Variants in PHACTR4 observed in about 807,000 individuals in gnomAD.
The protein encoded by PHACTR4 is protein phosphatase 1, regulatory subunit 124.
A neutral mutation model predicts 72.7 loss-of-function variants in PHACTR4; 51 were observed. The observed-to-expected ratio is 0.70, with a 90% CI of 0.56 to 0.89. PHACTR4 has a LOEUF of 0.89. Ranked by LOEUF, PHACTR4 falls within the 40% of genes least tolerant of loss-of-function variation. The pLI is 0.00. For missense variants in PHACTR4, 731 were observed against 861.8 expected, an observed-to-expected ratio of 0.85 and a Z score of 1.90; for synonymous variants, 255 against 302.5, an observed-to-expected ratio of 0.84 and a Z score of 1.63.
At chr1:28,461,407 C>G (rs1658798729) in intron 4 of PHACTR4, among the ~76,000 whole-genome samples, 1 of 152,090 alleles carries the variant, frequency 6.6e-6, no homozygotes, top group Non-Finnish European at 1.5e-5. Flanking sequence ...CGCCACTGCA[C>G]TCCAGCCTGG....
At chr1:28,494,847 A>G (rs1401228082) in intron 13 of PHACTR4, among the ~76,000 whole-genome samples, 3 of 152,214 alleles carry the variant, frequency 2.0e-5, no homozygotes, top group Admixed American at 1.3e-4. Context: ...TTGGCAGTTC[A>G]TAAGCAGGAA....
chr1:28,471,623 A>G (rs1479470511), intron 6 of PHACTR4, among the ~76,000 whole-genome samples: 1 of 151,560 alleles, frequency 6.6e-6, no homozygotes, highest in East Asian at 1.9e-4. Flanking sequence ...CTTACAGGTC[A>G]TCTGGAGCCC....
At chr1:28,471,460 T>C (rs532714394) in intron 6 of PHACTR4, among the ~76,000 whole-genome samples, 63 of 152,262 alleles carry the variant, frequency 4.1e-4, no homozygotes, top group African/African-American at 1.4e-3. Context: ...TTGAGAATAC[T>C]GAGTGGGATG....
rs1364102047 is a variant in PHACTR4 at position 28,473,878 on chromosome 1, A to G, written c.1148A>G (p.Glu383Gly). 1 of 1,613,966 alleles carries G rather than the reference A, an allele frequency of 6.2e-7. No homozygotes were observed. Among genetic ancestry groups the G allele is most frequent in the Non-Finnish European group, 8.5e-7 (1 of 1,180,006 alleles). Residue 383 changes from glutamate (E) to glycine (G), a missense_variant, in exon 7 of 14, where the codon GAG becomes GGG. Transcript: ENST00000373839. ...CCACCATCCTTAGATCTACACCAGG[A>G]GATTCCCCAGCAGGAAGATCAGAAA... ...EFPPSLDLHQ[E>G]IPQQEDQKKE... is the part of the protein sequence containing the mutation.
chr1:28,421,039 A>G (rs919581578), intron 2 of PHACTR4, among the ~76,000 whole-genome samples: 1 of 152,058 alleles, frequency 6.6e-6, no homozygotes, highest in Non-Finnish European at 1.5e-5. Context: ...TTTGGACTTT[A>G]TGTTCTTTTC....
At chr1:28,435,320 G>A (rs1319098460) in intron 2 of PHACTR4, among the ~76,000 whole-genome samples, 2 of 151,966 alleles carry the variant, frequency 1.3e-5, no homozygotes, top group African/African-American at 4.8e-5. Context: ...GCTGGAGTGC[G>A]GTGGCATGAT....
Position 28,420,055 on chromosome 1 carries a change from C to T in PHACTR4, c.16+12592C>T, listed in dbSNP as rs563555660. Among the ~76,000 whole-genome samples the T allele has an allele frequency of 3.3e-5, 5 of 152,172 alleles. 1 individual carries two copies. The highest frequency in any genetic ancestry group is 9.6e-5 in the African/African-American group (4 of 41,522). On this transcript the variant is annotated intron_variant, in intron 2 of 13. Transcript: ENST00000373839. Reference sequence around the variant, plus strand: ...GGCTGAGGCAGGCAAATCGTCTGAGCGCAGCCTGAGCAACATTGTGAGACC... The same window carrying T: ...GGCTGAGGCAGGCAAATCGTCTGAGTGCAGCCTGAGCAACATTGTGAGACC...
In PHACTR4 at chr1:28,465,795, A is replaced by G. The variant is rs765863419; in HGVS notation, c.382A>G (p.Arg128Gly). 1 of 1,613,956 alleles carries G rather than the reference A, an allele frequency of 6.2e-7. No homozygotes were observed. Among genetic ancestry groups the G allele is most frequent in the South Asian group, 1.1e-5 (1 of 91,066 alleles). The change falls in exon 5 of 14, where the codon AGA becomes GGA. Residue 128 changes from arginine (R) to glycine (G), a missense_variant. Coordinates refer to ENST00000373839, the MANE Select transcript of PHACTR4 (RefSeq NM_001048183.3). Reference sequence around the variant, plus strand: ...AGTCCAAGTAGAGGAAGAGCCAGTAAGATTAGCAAGTCTTAGGAAAGCTAT... The same window carrying G: ...AGTCCAAGTAGAGGAAGAGCCAGTAGGATTAGCAAGTCTTAGGAAAGCTAT... ...SPVQVEEEPV[R>G]LASLRKAIPE...
chr1:28,473,956 C>G lies in PHACTR4; in HGVS notation c.1226C>G (p.Pro409Arg). Residue 409 changes from proline to arginine, a missense_variant, in exon 7 of 14, where the codon CCC (proline) becomes CGC (arginine). By Grantham distance (103) the Pro-to-Arg change is moderately radical. Coordinates refer to ENST00000373839, the MANE Select transcript of PHACTR4 (RefSeq NM_001048183.3). ...CAGAACTTTGGGGAGCCCCATATACCCTCTAGGCTGCCTCCACTCCCACTG... is the reference window on the plus strand; with the variant it reads ...CAGAACTTTGGGGAGCCCCATATACGCTCTAGGCTGCCTCCACTCCCACTG... ...LDQNFGEPHIPSRLPPLPLHI... is the reference protein window; with the variant it reads ...LDQNFGEPHIRSRLPPLPLHI... 6.2e-7 allele frequency: 1 copy of G among 1,614,060 alleles called. No homozygotes were observed. Among genetic ancestry groups the G allele is most frequent in the South Asian group, 1.1e-5 (1 of 91,080 alleles).
At chr1:28,388,471 A>G (rs1222365738) in intron 1 of PHACTR4, among the ~76,000 whole-genome samples, 4 of 152,334 alleles carry the variant, frequency 2.6e-5, no homozygotes, top group East Asian at 3.9e-4. Flanking sequence ...GGAAAGGACA[A>G]TCAGTGTCTT....
chr1:28,473,984 T>C lies in PHACTR4; in HGVS notation c.1254T>C (p.His418=). The part of the protein sequence containing the change: ...IPSRLPPLPL[H]IRIQQALTSP... Reference sequence around the variant, plus strand: ...CTAGGCTGCCTCCACTCCCACTGCATATTCGAATCCAGCAGGCCCTCACCA... The same window carrying C: ...CTAGGCTGCCTCCACTCCCACTGCACATTCGAATCCAGCAGGCCCTCACCA... Residue 418 remains histidine, a synonymous_variant, in exon 7 of 14, where the codon CAT becomes CAC. Transcript: ENST00000373839. 1 of 1,614,170 alleles carries C rather than the reference T, an allele frequency of 6.2e-7. No individual in the cohort carries two copies. The highest frequency in any genetic ancestry group is 8.5e-7 in the Non-Finnish European group (1 of 1,180,028).
At chr1:28,482,150 G>A (rs764717356) in intron 9 of PHACTR4, among the ~76,000 whole-genome samples, 4 of 152,082 alleles carry the variant, frequency 2.6e-5, no homozygotes, top group Non-Finnish European at 5.9e-5. Context: ...GCCCGCCTTC[G>A]ACTCACAAAG....
At chr1:28,438,774 T>A (rs947802240) in intron 2 of PHACTR4, among the ~76,000 whole-genome samples, 6 of 152,082 alleles carry the variant, frequency 3.9e-5, no homozygotes, top group African/African-American at 1.5e-4. Context: ...TATTTAGAAT[T>A]CAGAGATATT....
intron 4 of PHACTR4, 118 bp from the exon 5 acceptor site, chr1:28,465,567 A>G: frequency 9.3e-7 from 1 of 1,076,454 alleles, no homozygotes; most frequent in Non-Finnish European, 1.3e-6. Flanking sequence ...CCTGGGCAAC[A>G]TAGTGAGACC....
intron 2 of PHACTR4, among the ~76,000 whole-genome samples, chr1:28,419,282 C>T (rs1443552029): frequency 6.6e-6 from 1 of 151,476 alleles, no homozygotes; most frequent in Non-Finnish European, 1.5e-5. Context: ...CCGTGGCTGG[C>T]CTGTTTTTGT....
At chr1:28,433,142 T>G in intron 2 of PHACTR4, 2 of 946,550 alleles carry the variant, frequency 2.1e-6, no homozygotes, top group South Asian at 9.8e-5. Context: ...GAATAAGTAC[T>G]CTAAAAAGGG....
intron 1 of PHACTR4, among the ~76,000 whole-genome samples, chr1:28,377,152 G>T (rs1569730064): frequency 1.3e-5 from 2 of 150,344 alleles, no homozygotes; most frequent in Non-Finnish European, 3.0e-5. Context: ...CTGGTCCTGA[G>T]GTTCCAAACT....
chr1:28,390,305 G>C (rs1327801439), intron 1 of PHACTR4, among the ~76,000 whole-genome samples: 1 of 152,096 alleles, frequency 6.6e-6, no homozygotes, highest in Non-Finnish European at 1.5e-5. Flanking sequence ...ACAGGCAGGT[G>C]CCACCATGGC....
intron 2 of PHACTR4, among the ~76,000 whole-genome samples, chr1:28,427,621 T>C (rs1179528652): frequency 6.6e-6 from 1 of 152,246 alleles, no homozygotes; most frequent in Non-Finnish European, 1.5e-5. Context: ...TCTTCACTTA[T>C]ACATCATCTT....
Sources: gnomAD v4.1 joint callset for allele counts (sites outside exome capture counted in the v4.1 genomes callset) on GRCh38, gnomAD v4.1.1 for gene constraint, MANE v1.5 for transcripts, NCBI Gene and HGNC (gene_info 2026-07-23, HGNC 2026-07-21) for gene names.